Variants in HYCC1 observed in about 807,000 individuals in gnomAD.
HYCC1 encodes hyccin PI4KA lipid kinase complex subunit 1.
At chr7:22,975,862 G>A in the HYCC1 span, among the ~76,000 whole-genome samples, 37,320 of 151,894 alleles carry the variant, frequency 0.25, 5,262 homozygotes, top group Non-Finnish European at 0.32. Context: ...GACTACAGGC[G>A]TGCACCACCA....
At chr7:22,937,479 A>T in the HYCC1 span, 1 of 152,236 alleles carries the variant, frequency 6.6e-6, no homozygotes, top group African/African-American at 2.4e-5. Flanking sequence ...AAAGAGAAAC[A>T]TGATGCATAA....
At chr7:22,930,206 G>A in the HYCC1 span, among the ~76,000 whole-genome samples, 1 of 114,836 alleles carries the variant, frequency 8.7e-6, no homozygotes, top group African/African-American at 3.3e-5. Flanking sequence ...GTGGGGGGAG[G>A]GGGGAGGGAT....
chr7:22,905,593 T>A, the HYCC1 span, among the ~76,000 whole-genome samples: 1 of 151,886 alleles, frequency 6.6e-6, no homozygotes, highest in African/African-American at 2.4e-5. Context: ...AAGGATTTAA[T>A]AATATAATTA....
At chr7:22,951,586 C>T in the HYCC1 span, among the ~76,000 whole-genome samples, 1 of 151,610 alleles carries the variant, frequency 6.6e-6, no homozygotes, top group African/African-American at 2.4e-5. Context: ...GAACAAATAT[C>T]CTTTAATATA....
At chr7:22,927,578 G>A in the HYCC1 span, among the ~76,000 whole-genome samples, 9 of 152,020 alleles carry the variant, frequency 5.9e-5, no homozygotes, top group African/African-American at 1.9e-4. Context: ...TAAACTAGAA[G>A]ATCTAGAAGA....
the HYCC1 span, among the ~76,000 whole-genome samples, chr7:23,007,858 A>G: frequency 3.5e-4 from 54 of 152,208 alleles, no homozygotes; most frequent in Admixed American, 3.2e-3. Context: ...ATCTCAAGGT[A>G]CATTAAGAGG....
chr7:22,980,325 G>C, the HYCC1 span, among the ~76,000 whole-genome samples: 2 of 151,034 alleles, frequency 1.3e-5, no homozygotes, highest in South Asian at 4.2e-4. Context: ...AGGTTTTACA[G>C]TATTATTAAG....
chr7:23,005,501 G>T, the HYCC1 span, among the ~76,000 whole-genome samples: 1 of 152,176 alleles, frequency 6.6e-6, no homozygotes, highest in African/African-American at 2.4e-5. Flanking sequence ...GGCTTCATCA[G>T]ATTCTAATGC....
chr7:22,943,435 A>T, the HYCC1 span: 2 of 152,166 alleles, frequency 1.3e-5, no homozygotes, highest in Non-Finnish European at 2.9e-5. Context: ...GAAATTCTGC[A>T]TTTTTAACAA....
the HYCC1 span, among the ~76,000 whole-genome samples, chr7:22,922,575 T>A: frequency 3.4e-4 from 51 of 152,224 alleles, no homozygotes; most frequent in Non-Finnish European, 6.5e-4. Flanking sequence ...TGATTTCTAC[T>A]AAATTCATAT....
chr7:22,897,567 G>A, the HYCC1 span, among the ~76,000 whole-genome samples: 1 of 152,192 alleles, frequency 6.6e-6, no homozygotes, highest in Non-Finnish European at 1.5e-5. Context: ...GATAGTACGT[G>A]CAGGTAGCTT....
At chr7:22,976,961 A>G in the HYCC1 span, among the ~76,000 whole-genome samples, 3 of 152,236 alleles carry the variant, frequency 2.0e-5, no homozygotes, top group African/African-American at 4.8e-5. Context: ...TCGAAGATTT[A>G]ATAACTAATT....
At chr7:22,977,606 T>C in the HYCC1 span, among the ~76,000 whole-genome samples, 1 of 152,194 alleles carries the variant, frequency 6.6e-6, no homozygotes, top group Non-Finnish European at 1.5e-5. Flanking sequence ...CTGTACATCC[T>C]TCCACTTAAA....
At chr7:22,898,599 CTTTTCTTTTTT>C in the HYCC1 span, among the ~76,000 whole-genome samples, 26 of 93,346 alleles carry the variant, frequency 2.8e-4, no homozygotes, top group African/African-American at 1.0e-3. Flanking sequence ...CTTTTCTTTT[CTTTTCTTTTTT>C]TTTTTTTTTT....
chr7:22,941,165 C>T, the HYCC1 span: 1 of 152,128 alleles, frequency 6.6e-6, no homozygotes, highest in African/African-American at 2.4e-5. Flanking sequence ...GCTCAACTTA[C>T]CTAAGTCTTC....
chr7:22,958,347 A>G, the HYCC1 span, among the ~76,000 whole-genome samples: 2 of 152,168 alleles, frequency 1.3e-5, no homozygotes, highest in Non-Finnish European at 2.9e-5. Flanking sequence ...ACACTAAAGA[A>G]GAGTGATAAA....
chr7:22,999,882 A>C, the HYCC1 span, among the ~76,000 whole-genome samples: 1 of 152,156 alleles, frequency 6.6e-6, no homozygotes, highest in East Asian at 1.9e-4. Flanking sequence ...TCAAGGTAGC[A>C]CCTTACATTT....
the HYCC1 span, among the ~76,000 whole-genome samples, chr7:22,951,661 A>G: frequency 6.6e-6 from 1 of 151,914 alleles, no homozygotes; most frequent in Non-Finnish European, 1.5e-5. Context: ...TCATTAAGCT[A>G]TTCCTTACAG....
chr7:22,995,089 T>C, the HYCC1 span, among the ~76,000 whole-genome samples: 6 of 152,256 alleles, frequency 3.9e-5, no homozygotes, highest in African/African-American at 9.6e-5. Flanking sequence ...CAAATAGTGA[T>C]TGCATTTCCT....
Sources: allele counts gnomAD v4.1 joint callset (sites outside exome capture counted in the v4.1 genomes callset), GRCh38; gene constraint gnomAD v4.1.1; transcripts MANE v1.5; gene names NCBI Gene and HGNC (gene_info 2026-07-23, HGNC 2026-07-21).